Variants in ASH1L observed in about 807,000 individuals in gnomAD.
The protein encoded by ASH1L is histone-lysine N-methyltransferase ASH1L.
In ASH1L, 23 loss-of-function variants were observed where a neutral mutation model predicts 269.0. That is an observed-to-expected ratio of 0.09 (90% CI 0.06 to 0.12). The LOEUF (loss-of-function observed/expected upper bound fraction) is 0.12. ASH1L is among the 10% of genes least tolerant of loss of function. The probability of loss-of-function intolerance (pLI) is 1.00; values close to 1 mark genes in which losing one functional copy is unlikely to be tolerated. For missense variants in ASH1L, 2,912 were observed against 3,567.8 expected, an observed-to-expected ratio of 0.82 and a Z score of 4.68; for synonymous variants, 1,187 against 1,253.5, an observed-to-expected ratio of 0.95 and a Z score of 1.12.
chr1:155,428,660 A>C, intron 5 of ASH1L, among the ~76,000 whole-genome samples: 1 of 152,192 alleles, frequency 6.6e-6, no homozygotes, highest in South Asian at 2.1e-4. Context: ...TTCTTAAACC[A>C]CAAACAATAG....
intron 12 of ASH1L, among the ~76,000 whole-genome samples, chr1:155,366,661 T>C (rs180810288): frequency 2.0e-5 from 3 of 152,298 alleles, no homozygotes; most frequent in Admixed American, 1.3e-4. Context: ...CTATTGTAAA[T>C]TGTATTGGTT....
In ASH1L at chr1:155,423,601, A is replaced by G. The variant is rs1029970467; in HGVS notation, c.5829-7678T>C. 8.6e-5 allele frequency among the ~76,000 whole-genome samples: 13 copies of G among 151,834 alleles called. 1 individual carries two copies. The highest frequency in any genetic ancestry group is 3.1e-4 in the African/African-American group (13 of 41,352). On this transcript the variant is annotated intron_variant, in intron 5 of 27. Transcript: ENST00000392403. ...AACAAAACAAAACAAAAACAAAAAA[A>G]CCCCTGCATTTTCAATATGAGATAA...
chr1:155,550,901 G>A (rs1020755253), intron 1 of ASH1L, among the ~76,000 whole-genome samples: 1 of 152,108 alleles, frequency 6.6e-6, no homozygotes, highest in Non-Finnish European at 1.5e-5. Flanking sequence ...ATGGCTGACT[G>A]CAGCCTCGAC....
At chr1:155,379,677 A>G (rs556067359) in intron 8 of ASH1L, among the ~76,000 whole-genome samples, 1 of 152,310 alleles carries the variant, frequency 6.6e-6, no homozygotes, top group South Asian at 2.1e-4. Context: ...GATAAGAAGG[A>G]GCCAACAAAA....
chr1:155,341,244 T>C (rs1372245296), intron 25 of ASH1L, among the ~76,000 whole-genome samples: 1 of 152,042 alleles, frequency 6.6e-6, no homozygotes, highest in Non-Finnish European at 1.5e-5. Flanking sequence ...TGGCGTGATC[T>C]TGGCTCACTG....
chr1:155,501,415 G>C (rs1667490808), intron 2 of ASH1L, among the ~76,000 whole-genome samples: 1 of 152,118 alleles, frequency 6.6e-6, no homozygotes, highest in Non-Finnish European at 1.5e-5. Context: ...CTATCACCTA[G>C]GCTGGAGTGC....
chr1:155,375,986 C>T (rs995296520), intron 10 of ASH1L, among the ~76,000 whole-genome samples: 2 of 151,994 alleles, frequency 1.3e-5, no homozygotes, highest in Non-Finnish European at 2.9e-5. Flanking sequence ...CGTCTTTAGT[C>T]TCAGCTACTC....
chr1:155,354,642 G>GA lies in ASH1L; in HGVS notation c.7056-13dup, dbSNP rs762261188. On this transcript the variant is annotated splice_polypyrimidine_tract_variant and intron_variant, in intron 15 of 27. Coordinates refer to ENST00000392403, the MANE Select transcript of ASH1L (RefSeq NM_018489.3). ...TTAACACAAAGTTCCTGCAAGGAAG[G>GA]AAAAAAAATCTTCCTTTATTCATTA... is the stretch of plus-strand genomic sequence containing the variant. The GA allele has an allele frequency of 6.8e-5, 109 of 1,593,200 alleles. No homozygotes were observed. Among genetic ancestry groups the GA allele is most frequent in the South Asian group, 3.0e-4 (26 of 87,102 alleles).
intron 4 of ASH1L, among the ~76,000 whole-genome samples, chr1:155,446,370 T>A (rs1663028240): frequency 6.6e-6 from 1 of 150,378 alleles, no homozygotes; most frequent in African/African-American, 2.4e-5. Context: ...ATGATCTTGG[T>A]TCACTGCAAC....
intron 5 of ASH1L, chr1:155,433,285 G>A: frequency 3.2e-6 from 5 of 1,568,342 alleles, no homozygotes; most frequent in Admixed American, 1.9e-5. Flanking sequence ...CTCGGACCTG[G>A]CTAAGCTTCC....
At chr1:155,364,069 G>A (rs1012615778) in intron 12 of ASH1L, among the ~76,000 whole-genome samples, 21 of 151,772 alleles carry the variant, frequency 1.4e-4, no homozygotes, top group African/African-American at 4.6e-4. Context: ...TGAGCAATGA[G>A]GATCGCTTGA....
At chr1:155,534,225 C>T (rs1669893340) in intron 1 of ASH1L, among the ~76,000 whole-genome samples, 1 of 148,564 alleles carries the variant, frequency 6.7e-6, no homozygotes, top group South Asian at 2.2e-4. Flanking sequence ...TATTAAAGGG[C>T]TCTGAGAAGG....
intron 5 of ASH1L, among the ~76,000 whole-genome samples, chr1:155,436,041 A>G (rs1314687610): frequency 2.0e-4 from 31 of 152,092 alleles, no homozygotes; most frequent in Admixed American, 2.0e-3. Flanking sequence ...ACAGAGTGAA[A>G]CTCCATCTCA....
chr1:155,382,265 G>A (rs1657037623), intron 7 of ASH1L, among the ~76,000 whole-genome samples: 1 of 152,042 alleles, frequency 6.6e-6, no homozygotes, highest in African/African-American at 2.4e-5. Context: ...TTGGGAGGCC[G>A]AGGTGGGCAG....
chr1:155,458,797 C>T (rs1306732807), intron 4 of ASH1L, among the ~76,000 whole-genome samples: 1 of 152,106 alleles, frequency 6.6e-6, no homozygotes, highest in Non-Finnish European at 1.5e-5. Flanking sequence ...ATTTATTTTC[C>T]TGAACACTCT....
chr1:155,509,959 A>C (rs1302226023), intron 2 of ASH1L, among the ~76,000 whole-genome samples: 2 of 152,228 alleles, frequency 1.3e-5, no homozygotes, highest in Non-Finnish European at 2.9e-5. Context: ...AAACAACATA[A>C]GGAAATCTTT....
intron 4 of ASH1L, among the ~76,000 whole-genome samples, chr1:155,443,464 T>G (rs969662923): frequency 6.6e-6 from 1 of 152,212 alleles, no homozygotes; most frequent in Non-Finnish European, 1.5e-5. Context: ...CCACATAAAA[T>G]TCAATGCATG....
chr1:155,420,708 G>C (rs1384636819), intron 5 of ASH1L, among the ~76,000 whole-genome samples: 2 of 151,800 alleles, frequency 1.3e-5, no homozygotes, highest in Non-Finnish European at 2.9e-5. Flanking sequence ...AAATTAGCCA[G>C]GCATGGTGCC....
chr1:155,387,120 T>C (rs1558053659), intron 7 of ASH1L, among the ~76,000 whole-genome samples: 1 of 152,058 alleles, frequency 6.6e-6, no homozygotes, highest in Non-Finnish European at 1.5e-5. Flanking sequence ...ATTATAGGCA[T>C]GTGCCACCAC....
Sources: gnomAD v4.1 joint callset for allele counts (sites outside exome capture counted in the v4.1 genomes callset) on GRCh38, gnomAD v4.1.1 for gene constraint, MANE v1.5 for transcripts, NCBI Gene and HGNC (gene_info 2026-07-23, HGNC 2026-07-21) for gene names.